Variants in M6PR observed in about 807,000 individuals in gnomAD.
M6PR encodes cation-dependent mannose-6-phosphate receptor.
Under a neutral mutation model 33.1 loss-of-function variants are expected in M6PR, and 19 were observed. The observed-to-expected ratio is 0.57, with a 90% CI of 0.40 to 0.84. The LOEUF is 0.84. Ranked by LOEUF, M6PR falls within the 40% of genes least tolerant of loss-of-function variation. The probability of loss-of-function intolerance (pLI) is 0.00; values close to 1 mark genes in which losing one functional copy is unlikely to be tolerated. For missense variants in M6PR, 295 were observed against 336.0 expected (o/e 0.88, Z 0.95); for synonymous variants, 111 against 123.4 (o/e 0.90, Z 0.67).
chr12:8,943,234 G>A (rs1385954285), intron 5 of M6PR, 171 bp downstream of exon 5: 3 of 834,466 alleles, frequency 3.6e-6, no homozygotes, highest in Admixed American at 3.0e-5. Context: ...TTACAGGCGT[G>A]AGCCCTGTGT....
intron 3 of M6PR, 31 bp downstream of exon 3, chr12:8,945,387 C>A: frequency 1.2e-6 from 2 of 1,610,966 alleles, no homozygotes; most frequent in South Asian, 2.2e-5. Flanking sequence ...ATCAGTTAGT[C>A]AATCGATGGT....
At chr12:8,942,129 C>T (rs944628268) in intron 6 of M6PR, 189 bp from the exon 7 acceptor site, 2 of 716,518 alleles carry the variant, frequency 2.8e-6, no homozygotes, top group African/African-American at 3.6e-5. Context: ...TCTTATTAGG[C>T]CTCACCTTCT....
chr12:8,943,783 C>G lies in M6PR; in HGVS notation c.453+18G>C. On this transcript the variant is annotated intron_variant, in intron 4 of 6. Transcript: ENST00000000412. ...TTTCAGTCTCCTCCCTCGGCTTATA[C>G]AACACAGGGTGCCTCACCGCTAGGG... 3 of 1,604,588 alleles carry G rather than the reference C, an allele frequency of 1.9e-6. No individual in the cohort carries two copies. Among genetic ancestry groups the G allele is most frequent in the Non-Finnish European group, 2.6e-6 (3 of 1,173,084 alleles).
Position 8,942,015 on chromosome 12 carries a change from T to C in M6PR, c.712-75A>G, listed in dbSNP as rs1946019025. On this transcript the variant is annotated intron_variant, in intron 6 of 6. Transcript: ENST00000000412. ...GATATGAGAAAGTGTACTTATGGTCTAGGAATGTGGCAAGAATTGGTTTTC... is the reference window on the plus strand; with the variant it reads ...GATATGAGAAAGTGTACTTATGGTCCAGGAATGTGGCAAGAATTGGTTTTC... The C allele has an allele frequency of 3.3e-6, 5 of 1,532,218 alleles. No individual in the cohort carries two copies. The Admixed American group carries it at 6.8e-5, about 21-fold the overall frequency. 94.9% of individuals were successfully genotyped at this position (1,532,218 alleles called of 1,614,324 possible). A position where few individuals can be genotyped will look rare whatever the true frequency, so the allele number is the denominator to read the frequency against.
chr12:8,947,416 A>G (rs1235336309), intron 1 of M6PR, among the ~76,000 whole-genome samples: 5 of 152,114 alleles, frequency 3.3e-5, no homozygotes, highest in Non-Finnish European at 5.9e-5. Context: ...ACACCCCACT[A>G]AAGCAAAAAA....
intron 1 of M6PR, among the ~76,000 whole-genome samples, chr12:8,947,794 T>C (rs970192924): frequency 2.0e-5 from 3 of 151,552 alleles, no homozygotes; most frequent in Non-Finnish European, 2.9e-5. Context: ...ACTATGTGCA[T>C]AACAATTTTT....
intron 5 of M6PR, 26 bp downstream of exon 5, chr12:8,943,379 G>A (rs1946052466): frequency 1.2e-6 from 2 of 1,613,708 alleles, no homozygotes; most frequent in African/African-American, 1.3e-5. Context: ...AGGAAGGTCT[G>A]TTCTGATAAA....
chr12:8,945,329 A>G (rs1179962496), intron 3 of M6PR, 89 bp downstream of exon 3: 6 of 1,377,206 alleles, frequency 4.4e-6, no homozygotes, highest in Admixed American at 1.8e-5. Context: ...TGCTGAAGAC[A>G]CTAGAAACGG....
At chr12:8,943,315 T>C (rs1015920228) in intron 5 of M6PR, 90 bp downstream of exon 5, 10 of 1,317,812 alleles carry the variant, frequency 7.6e-6, no homozygotes, top group Non-Finnish European at 1.1e-5. Context: ...AATGTACACA[T>C]ACAATTTGTG....
intron 6 of M6PR, chr12:8,942,149 G>C (rs1163712949): frequency 1.5e-6 from 1 of 685,606 alleles, no homozygotes; most frequent in African/African-American, 1.8e-5. Context: ...TTCCCACCCA[G>C]GCCCTCTTAA....
At chr12:8,947,317 G>A (rs1946108518) in intron 1 of M6PR, among the ~76,000 whole-genome samples, 1 of 152,090 alleles carries the variant, frequency 6.6e-6, no homozygotes, top group African/African-American at 2.4e-5. Context: ...TAATGAGTTT[G>A]AAGATGGGAA....
At position 8,943,810 on chromosome 12, in the gene M6PR, G is replaced by A. The variant is rs1592222508; in HGVS notation, c.444C>T (p.His148=). The change falls in exon 4 of 7, where the codon CAC becomes CAT. Residue 148 remains histidine (H), a synonymous_variant. Coordinates refer to ENST00000000412, the MANE Select transcript of M6PR (RefSeq NM_002355.4). ...RAVVMISCNR[H]TLADNFNPVS... ...ACACAGGGTGCCTCACCGCTAGGGTGTGTCGATTGCAGGAGATCATCACCA... is the reference window on the plus strand; with the variant it reads ...ACACAGGGTGCCTCACCGCTAGGGTATGTCGATTGCAGGAGATCATCACCA... 6.2e-7 allele frequency: 1 copy of A among 1,612,472 alleles called. No homozygotes were observed. Among genetic ancestry groups the A allele is most frequent in the Non-Finnish European group, 8.5e-7 (1 of 1,179,808 alleles).
intron 5 of M6PR, among the ~76,000 whole-genome samples, chr12:8,942,763 C>T (rs148615355): frequency 1.3e-5 from 2 of 152,082 alleles, no homozygotes; most frequent in African/African-American, 4.8e-5. Flanking sequence ...AATGTGACAG[C>T]GTGTGATTCT....
rs1423572568 is a variant in M6PR at position 8,943,871 on chromosome 12, T to C, written c.383A>G (p.Tyr128Cys). The change falls in exon 4 of 7, where the codon TAT becomes TGT. Residue 128 changes from tyrosine (Y) to cysteine (C), a missense_variant. Coordinates refer to ENST00000000412, the MANE Select transcript of M6PR (RefSeq NM_002355.4). ...CTGCTCCTTGCCACAGTGGTTGTCA[T>C]ATTCATCACCCCCTTTATAGATCAG... ...IMLIYKGGDE[Y>C]DNHCGKEQRR... The C allele has an allele frequency of 6.2e-7, 1 of 1,613,714 alleles. No individual in the cohort carries two copies. Among genetic ancestry groups the C allele is most frequent in the Non-Finnish European group, 8.5e-7 (1 of 1,179,992 alleles).
rs1592221135 is a variant in M6PR, at chr12:8,942,415, C to T, written c.711+1G>A. 6.2e-7 allele frequency: 1 copy of T among 1,614,210 alleles called. No homozygotes were observed. Among genetic ancestry groups the T allele is most frequent in the Non-Finnish European group, 8.5e-7 (1 of 1,180,022 alleles). Reference sequence around the variant, plus strand: ...ATTCAACCAGCTGCCCTGTTACTTACTGCTACCAGGTTGCCAAGATCCTGC... The same window carrying T: ...ATTCAACCAGCTGCCCTGTTACTTATTGCTACCAGGTTGCCAAGATCCTGC... On this transcript the variant is annotated splice_donor_variant, in intron 6 of 6. Transcript: ENST00000000412. LOFTEE classifies it high-confidence loss of function.
In M6PR at chr12:8,943,894, C is replaced by G; in HGVS notation, c.360G>C (p.Leu120=). 1 of 1,613,128 alleles carries G rather than the reference C, an allele frequency of 6.2e-7. No homozygotes were observed. The change falls in exon 4 of 7, where the codon CTG becomes CTC. Residue 120 remains leucine, a synonymous_variant. Transcript: ENST00000000412. ...CATATTCATCACCCCCTTTATAGAT[C>G]AGCATGATCCAATTACCTGAGGAGG... is the stretch of plus-strand genomic sequence containing the variant. ...HIFNGSNWIM[L]IYKGGDEYDN...
intron 6 of M6PR, 79 bp downstream of exon 6, chr12:8,942,337 C>T: frequency 1.2e-6 from 2 of 1,600,262 alleles, no homozygotes; most frequent in South Asian, 2.2e-5. Flanking sequence ...GGAACCCCCT[C>T]AGTGTGAACA....
chr12:8,942,173 T>G (rs1248382468), intron 6 of M6PR: 1 of 684,266 alleles, frequency 1.5e-6, no homozygotes, highest in Non-Finnish European at 2.4e-6. Context: ...CTAAATCAGA[T>G]TTAGAAGAGC....
rs752870627 is a variant in M6PR at position 8,943,814 on chromosome 12, C to G, written c.440G>C (p.Arg147Pro). The G allele has an allele frequency of 4.3e-6, 7 of 1,612,684 alleles. No homozygotes were observed. Among genetic ancestry groups the G allele is most frequent in the Non-Finnish European group, 4.2e-6 (5 of 1,179,906 alleles). ...AGGGTGCCTCACCGCTAGGGTGTGTCGATTGCAGGAGATCATCACCACTGC... is the reference window on the plus strand; with the variant it reads ...AGGGTGCCTCACCGCTAGGGTGTGTGGATTGCAGGAGATCATCACCACTGC... The part of the protein sequence containing the change: ...RRAVVMISCN[R>P]HTLADNFNPV... The change falls in exon 4 of 7, where the codon CGA becomes CCA. Residue 147 changes from arginine to proline, a missense_variant. Physicochemically the swap from Arg to Pro is moderately radical, Grantham distance 103. Transcript: ENST00000000412.
Sources: allele counts gnomAD v4.1 joint callset (sites outside exome capture counted in the v4.1 genomes callset), GRCh38; gene constraint gnomAD v4.1.1; transcripts MANE v1.5; gene names NCBI Gene and HGNC (gene_info 2026-07-23, HGNC 2026-07-21).